Variants in GDPD4 observed in about 807,000 individuals in gnomAD.
GDPD4 encodes glycerophosphodiester phosphodiesterase domain containing 4, also known as glycerophosphodiester phosphodiesterase 6.
GDPD4 carries 60 observed loss-of-function variants against 67.8 expected under a neutral mutation model. That is an observed-to-expected ratio of 0.88 (90% CI 0.72 to 1.10). The LOEUF is 1.10. Ranked by LOEUF, GDPD4 falls within the 50% of genes least tolerant of loss-of-function variation. The pLI, the probability that GDPD4 is intolerant of heterozygous loss-of-function variation, is 0.00. For missense variants in GDPD4, 623 were observed against 613.9 expected (o/e 1.01, Z -0.16); for synonymous variants, 212 against 210.9 (o/e 1.00, Z -0.04).
At chr11:77,253,159 T>C (rs1171481815) in intron 11 of GDPD4, among the ~76,000 whole-genome samples, 1 of 152,216 alleles carries the variant, frequency 6.6e-6, no homozygotes, top group African/African-American at 2.4e-5. Context: ...AGTTAGGCTG[T>C]AGCTGTGACT....
chr11:77,230,863 G>T (rs143971540), intron 14 of GDPD4, among the ~76,000 whole-genome samples: 3 of 152,232 alleles, frequency 2.0e-5, no homozygotes, highest in Admixed American at 6.5e-5. Context: ...TTGGCCAATG[G>T]AACATCAGCA....
intron 10 of GDPD4, among the ~76,000 whole-genome samples, chr11:77,261,211 C>T (rs150658788): frequency 5.9e-4 from 90 of 151,708 alleles, no homozygotes; most frequent in African/African-American, 2.1e-3. Flanking sequence ...CCTGCTTCCA[C>T]GTTAACTGAA....
At chr11:77,252,157 G>C (rs764520462) in intron 11 of GDPD4, among the ~76,000 whole-genome samples, 1 of 146,218 alleles carries the variant, frequency 6.8e-6, no homozygotes, top group South Asian at 2.3e-4. Context: ...TCCCCCTCCC[G>C]GGTTCAAGCA....
intron 4 of GDPD4, among the ~76,000 whole-genome samples, chr11:77,276,811 G>A (rs1480055702): frequency 1.3e-5 from 2 of 152,132 alleles, no homozygotes; most frequent in Admixed American, 6.5e-5. Flanking sequence ...ATAATTTGAT[G>A]TGTAAGGCAC....
intron 13 of GDPD4, among the ~76,000 whole-genome samples, chr11:77,239,888 G>A (rs1353157225): frequency 6.6e-6 from 1 of 151,768 alleles, no homozygotes; most frequent in Admixed American, 6.6e-5. Context: ...CTTGAACCCA[G>A]GAGGCAGAGG....
intron 1 of GDPD4, among the ~76,000 whole-genome samples, chr11:77,296,416 G>T (rs931381323): frequency 1.3e-5 from 2 of 150,558 alleles, no homozygotes; most frequent in African/African-American, 4.9e-5. Flanking sequence ...CACCTCCCGG[G>T]TTCAAGCAAT....
chr11:77,255,678 G>A (rs1565525695), intron 11 of GDPD4, among the ~76,000 whole-genome samples: 1 of 152,012 alleles, frequency 6.6e-6, no homozygotes, highest in East Asian at 1.9e-4. Context: ...GGCCAATATG[G>A]TGAAACCCCA....
intron 3 of GDPD4, among the ~76,000 whole-genome samples, chr11:77,280,681 T>G (rs1352297057): frequency 6.6e-6 from 1 of 152,202 alleles, no homozygotes; most frequent in Non-Finnish European, 1.5e-5. Context: ...TTTGCTTTAC[T>G]TCAAAGCCCT....
At chr11:77,217,338 T>A (rs1259856154) in intron 16 of GDPD4, 24 bp from the exon 17 acceptor site, 1 of 1,578,148 alleles carries the variant, frequency 6.3e-7, no homozygotes, top group East Asian at 2.2e-5. Context: ...AAGACACAGA[T>A]TCCTCAAATG....
intron 16 of GDPD4, among the ~76,000 whole-genome samples, chr11:77,221,595 G>A (rs1367824472): frequency 3.3e-5 from 5 of 152,216 alleles, no homozygotes; most frequent in African/African-American, 1.2e-4. Flanking sequence ...TGGTCTGAGA[G>A]ACAGTTTGTT....
chr11:77,231,314 C>T (rs1958449710), intron 14 of GDPD4, among the ~76,000 whole-genome samples: 1 of 152,148 alleles, frequency 6.6e-6, no homozygotes, highest in South Asian at 2.1e-4. Flanking sequence ...AATTTTCAAA[C>T]AGAAGAAACA....
At chr11:77,274,611 A>G (rs1050681643) in intron 5 of GDPD4, among the ~76,000 whole-genome samples, 4 of 152,116 alleles carry the variant, frequency 2.6e-5, no homozygotes, top group East Asian at 1.9e-4. Flanking sequence ...TGCCAGTGCT[A>G]TACTTCCTTT....
At chr11:77,237,004 T>G (rs1247266511) in intron 13 of GDPD4, among the ~76,000 whole-genome samples, 1 of 152,188 alleles carries the variant, frequency 6.6e-6, no homozygotes, top group East Asian at 1.9e-4. Flanking sequence ...TAAAAGGATG[T>G]TCCTGTTTAA....
At chr11:77,248,046 C>T (rs1430872950) in intron 11 of GDPD4, among the ~76,000 whole-genome samples, 2 of 95,730 alleles carry the variant, frequency 2.1e-5, no homozygotes, top group African/African-American at 3.5e-5. Flanking sequence ...AGTGAAACTC[C>T]GTCTCAAAAA....
intron 13 of GDPD4, among the ~76,000 whole-genome samples, chr11:77,235,975 A>AC (rs1958557688): frequency 6.7e-6 from 1 of 149,372 alleles, no homozygotes; most frequent in African/African-American, 2.5e-5. Context: ...CAAAAAAAAA[A>AC]CAAAAAAAAA....
chr11:77,262,105 C>T (rs1169475644), intron 10 of GDPD4, among the ~76,000 whole-genome samples: 1 of 152,178 alleles, frequency 6.6e-6, no homozygotes, highest in African/African-American at 2.4e-5. Context: ...GGTTTTAGTT[C>T]CCCTTACAAA....
chr11:77,264,849 G>T (rs943793846), intron 10 of GDPD4, among the ~76,000 whole-genome samples: 2 of 151,710 alleles, frequency 1.3e-5, no homozygotes, highest in African/African-American at 4.9e-5. Context: ...TGATTATTTT[G>T]AGCTGGTTAT....
At chr11:77,269,237 G>T (rs1274532927) in intron 8 of GDPD4, among the ~76,000 whole-genome samples, 168 bp from the exon 9 acceptor site, 2 of 152,078 alleles carry the variant, frequency 1.3e-5, no homozygotes, top group African/African-American at 2.4e-5. Context: ...TTACTTCCAG[G>T]GATTTGGATA....
At chr11:77,264,519 T>C (rs985970205) in intron 10 of GDPD4, among the ~76,000 whole-genome samples, 3 of 151,580 alleles carry the variant, frequency 2.0e-5, no homozygotes, top group African/African-American at 7.3e-5. Context: ...ATCAGGAGAG[T>C]ATGGTATTCT....
Sources: gnomAD v4.1 joint callset for allele counts (sites outside exome capture counted in the v4.1 genomes callset) on GRCh38, gnomAD v4.1.1 for gene constraint, MANE v1.5 for transcripts, NCBI Gene and HGNC (gene_info 2026-07-23, HGNC 2026-07-21) for gene names.